Variants in USP25 observed in about 807,000 individuals in gnomAD.
USP25 encodes the protein ubiquitin carboxyl-terminal hydrolase 25.
A neutral mutation model predicts 158.5 loss-of-function variants in USP25; 85 were observed. That is an observed-to-expected ratio of 0.54 (90% CI 0.45 to 0.64). The LOEUF (loss-of-function observed/expected upper bound fraction) is 0.64, where lower values mean the gene tolerates loss of function less well. Among genes scored for constraint, USP25 ranks in the 30% least tolerant of loss-of-function variants. USP25 has a pLI of 0.00. For missense variants in USP25, 1,242 were observed against 1,327.3 expected (o/e 0.94, Z 1.00); for synonymous variants, 464 against 460.4 (o/e 1.01, Z -0.10).
intron 19 of USP25, 107 bp downstream of exon 19, chr21:15,847,883 A>G (rs2038702841): frequency 1.7e-6 from 1 of 589,914 alleles, no homozygotes; most frequent in Admixed American, 2.8e-5. Context: ...GCCACATAAC[A>G]TACAGCTTTG....
At chr21:15,844,977 G>T (rs1032691160) in intron 18 of USP25, among the ~76,000 whole-genome samples, 1 of 151,964 alleles carries the variant, frequency 6.6e-6, no homozygotes, top group African/African-American at 2.4e-5. Flanking sequence ...TCGTATATTT[G>T]TGTCTACTTT....
chr21:15,770,554 A>G (rs1020399339), intron 3 of USP25, among the ~76,000 whole-genome samples: 12 of 152,172 alleles, frequency 7.9e-5, no homozygotes, highest in Non-Finnish European at 1.6e-4. Flanking sequence ...CTCCCTTACT[A>G]CTTACTCATT....
intron 6 of USP25, among the ~76,000 whole-genome samples, chr21:15,800,354 G>C (rs984991310): frequency 7.3e-5 from 11 of 151,198 alleles, no homozygotes; most frequent in African/African-American, 2.4e-4. Context: ...TAGGGACCTA[G>C]AGCTGGTTAC....
At chr21:15,787,157 A>G (rs1401113372) in intron 4 of USP25, among the ~76,000 whole-genome samples, 2 of 152,158 alleles carry the variant, frequency 1.3e-5, no homozygotes, top group Non-Finnish European at 2.9e-5. Flanking sequence ...TAGAAGAATT[A>G]ATGTTAAAAT....
rs1280622522 is a variant in USP25, at chr21:15,877,596, T to G, written c.3010-200T>G. The G allele has an allele frequency of 3.9e-5, 17 of 432,350 alleles. No homozygotes were observed. In the Admixed American group the frequency reaches 7.4e-4, roughly 19 times the overall value. The allele number at this position is 432,350 out of a possible 1,614,324, so 26.8% of individuals were successfully genotyped here. A position where few individuals can be genotyped will look rare whatever the true frequency, so the allele number is the denominator to read the frequency against. On this transcript the variant is annotated intron_variant, in intron 24 of 25. Coordinates refer to ENST00000400183, the MANE Select transcript of USP25 (RefSeq NM_001283041.3). ...TTTCTCCACCGCTGTTGCTTTTGTT[T>G]CTGTTGTTGCCATATGCATAGCTTT...
intron 19 of USP25, among the ~76,000 whole-genome samples, chr21:15,848,157 C>T (rs2038715113): frequency 6.6e-6 from 1 of 151,804 alleles, no homozygotes; most frequent in African/African-American, 2.4e-5. Flanking sequence ...AATCCTTTTC[C>T]CACTATCTCC....
chr21:15,846,148 ATATATATATATTTTTTT>A (rs1385517915), intron 18 of USP25, among the ~76,000 whole-genome samples: 24 of 60,642 alleles, frequency 4.0e-4, no homozygotes, highest in Admixed American at 9.7e-4. Flanking sequence ...ATATATATAT[ATATATATATATTTTTTT>A]TTTTTTTTTT....
intron 16 of USP25, among the ~76,000 whole-genome samples, chr21:15,833,059 C>T (rs2037889434): frequency 6.6e-6 from 1 of 151,842 alleles, no homozygotes; most frequent in South Asian, 2.1e-4. Flanking sequence ...TTGGCTTTGG[C>T]TTTGTATTTT....
intron 2 of USP25, 35 bp from the exon 3 acceptor site, chr21:15,765,962 C>A: frequency 6.4e-7 from 1 of 1,566,098 alleles, no homozygotes; most frequent in Non-Finnish European, 8.6e-7. Context: ...AAAATTATTT[C>A]AAAACACTTG....
At chr21:15,874,694 T>C (rs572190980) in intron 24 of USP25, among the ~76,000 whole-genome samples, 168 bp downstream of exon 24, 98 of 152,362 alleles carry the variant, frequency 6.4e-4, no homozygotes, top group Non-Finnish European at 1.2e-3. Context: ...CTCAGTACTT[T>C]ATTCTTTTCT....
At chr21:15,740,641 G>GTTTTTTTTTTTTT (rs60616271) in intron 1 of USP25, among the ~76,000 whole-genome samples, 9 of 41,304 alleles carry the variant, frequency 2.2e-4, no homozygotes, top group Non-Finnish European at 4.5e-4. Flanking sequence ...CTTTCTGGCT[G>GTTTTTTTTTTTTT]TTTTTTTTTT....
At chr21:15,856,423 T>C (rs1161921379) in intron 20 of USP25, among the ~76,000 whole-genome samples, 1 of 152,230 alleles carries the variant, frequency 6.6e-6, no homozygotes, top group African/African-American at 2.4e-5. Flanking sequence ...ATTCAGGCAT[T>C]CATCCTGTAT....
intron 1 of USP25, among the ~76,000 whole-genome samples, chr21:15,740,002 T>G (rs1975202684): frequency 1.3e-5 from 2 of 152,248 alleles, no homozygotes; most frequent in African/African-American, 2.4e-5. Flanking sequence ...CCATCTGCTT[T>G]ATTTTTAGTT....
In USP25 at chr21:15,847,702, C is replaced by T. The variant is rs1377984548; in HGVS notation, c.2377C>T (p.Arg793Ter). 12 of 1,549,916 alleles carry T rather than the reference C, an allele frequency of 7.7e-6. No homozygotes were observed. Among genetic ancestry groups the T allele is most frequent in the Non-Finnish European group, 1.0e-5 (12 of 1,146,536 alleles). ...TACAAGCCAACCACTTTCTAATCAGCGAGTTGTAGAGGTGGCGATCCCTCA... is the reference window on the plus strand; with the variant it reads ...TACAAGCCAACCACTTTCTAATCAGTGAGTTGTAGAGGTGGCGATCCCTCA... ...NTTSQPLSNQ[R>*]VVEVAIPHVG... The change falls in exon 19 of 26, where the codon CGA (arginine) becomes TGA (stop). Residue 793 changes from arginine to a stop codon, truncating the protein, a stop_gained. Coordinates refer to ENST00000400183, the MANE Select transcript of USP25 (RefSeq NM_001283041.3). LOFTEE classifies it high-confidence loss of function.
intron 4 of USP25, among the ~76,000 whole-genome samples, chr21:15,780,975 G>A (rs1297849579): frequency 2.0e-5 from 3 of 152,208 alleles, no homozygotes; most frequent in African/African-American, 7.2e-5. Context: ...TTTAAGGTGT[G>A]TTATGTCAGA....
chr21:15,812,478 C>T (rs2036715782), intron 9 of USP25, among the ~76,000 whole-genome samples: 1 of 152,038 alleles, frequency 6.6e-6, no homozygotes, highest in Admixed American at 6.6e-5. Flanking sequence ...GAAACCCTGT[C>T]TCTACTAAAA....
At chr21:15,798,940 T>C (rs1350935802) in intron 5 of USP25, among the ~76,000 whole-genome samples, 3 of 151,288 alleles carry the variant, frequency 2.0e-5, no homozygotes, top group African/African-American at 7.3e-5. Context: ...TCCTGTATAG[T>C]AATTTTCAAA....
Position 15,874,521 on chromosome 21 carries a change from T to A in USP25, c.3004T>A (p.Leu1002Met). 1 of 1,594,224 alleles carries A rather than the reference T, an allele frequency of 6.3e-7. No individual in the cohort carries two copies. The highest frequency in any genetic ancestry group is 8.5e-7 in the Non-Finnish European group (1 of 1,174,300). The change falls in exon 24 of 26, where the codon TTG becomes ATG. Residue 1002 changes from leucine (L) to methionine (M), a missense_variant. Leu to Met is a conservative substitution (Grantham distance 15). Around this residue, in one of 3 missense-constraint regions of USP25, gnomAD observed 608 missense variants for 605.2 expected, o/e 1.00. Transcript: ENST00000400183. Reference protein sequence around the residue: ...ELISHYRRECLLKLNEQAAEL... With the variant: ...ELISHYRRECMLKLNEQAAEL... ...GATATCACATTATAGAAGAGAATGT[T>A]TGCTAGTAAGTTGAATGCATATAGT...
At chr21:15,747,463 A>G (rs1341743702) in intron 1 of USP25, among the ~76,000 whole-genome samples, 1 of 151,944 alleles carries the variant, frequency 6.6e-6, no homozygotes, top group East Asian at 1.9e-4. Flanking sequence ...ATTAGGCACT[A>G]TATAACTATA....
Sources: allele counts gnomAD v4.1 joint callset (sites outside exome capture counted in the v4.1 genomes callset), GRCh38; gene constraint gnomAD v4.1.1; regional missense constraint gnomAD v4.1.1; transcripts MANE v1.5; gene names NCBI Gene and HGNC (gene_info 2026-07-23, HGNC 2026-07-21).